FER: variants seen among roughly 807,000 people sequenced by gnomAD.
FER encodes tyrosine-protein kinase Fer.
Under a neutral mutation model 111.0 loss-of-function variants are expected in FER, and 63 were observed. The observed-to-expected ratio is 0.57, with a 90% confidence interval of 0.46 to 0.70. FER has a LOEUF of 0.70. Ranked by LOEUF, FER falls within the 30% of genes least tolerant of loss-of-function variation. FER has a pLI of 0.00. For missense variants in FER, 914 were observed against 954.0 expected, an observed-to-expected ratio of 0.96 and a Z score of 0.55; for synonymous variants, 327 against 313.9, an observed-to-expected ratio of 1.04 and a Z score of -0.44.
chr5:109,030,922 A>C lies in FER; in HGVS notation c.1657-6500A>C, dbSNP rs550780257. Among the ~76,000 whole-genome samples, 3 of 152,216 alleles carry C rather than the reference A, an allele frequency of 2.0e-5. No individual in the cohort carries two copies. In the South Asian group the frequency reaches 6.2e-4, roughly 32 times the overall value. On this transcript the variant is annotated intron_variant, in intron 13 of 19. Coordinates refer to ENST00000281092, the MANE Select transcript of FER (RefSeq NM_005246.4). The stretch of plus-strand genomic sequence containing the variant: ...TTTCTCAGTTGGGAAGTGAGATAAC[A>C]GGCCCACAGAAACAAAGAGGCCTCT...
intron 13 of FER, among the ~76,000 whole-genome samples, chr5:108,973,779 A>G (rs1698481179): frequency 1.3e-5 from 2 of 152,168 alleles, no homozygotes; most frequent in Non-Finnish European, 2.9e-5. Context: ...TATAAGAGGT[A>G]TGATTTTCTC....
chr5:109,061,298 G>A (rs575803485), intron 16 of FER, among the ~76,000 whole-genome samples: 1 of 151,966 alleles, frequency 6.6e-6, no homozygotes, highest in South Asian at 2.1e-4. Context: ...GACATAATAG[G>A]GAAATAACCA....
intron 16 of FER, among the ~76,000 whole-genome samples, chr5:109,075,820 T>C (rs554930736): frequency 1.3e-5 from 2 of 152,176 alleles, no homozygotes; most frequent in Non-Finnish European, 2.9e-5. Flanking sequence ...GCAATAAATA[T>C]ATTTTGTAAA....
At chr5:109,175,179 G>A (rs138581518) in intron 17 of FER, among the ~76,000 whole-genome samples, 226 of 152,224 alleles carry the variant, frequency 1.5e-3, no homozygotes, top group African/African-American at 1.8e-3. Context: ...CAGATTCCCC[G>A]ATGCATTGTT....
chr5:108,828,082 C>G (rs1405330028), intron 3 of FER, among the ~76,000 whole-genome samples: 2 of 151,944 alleles, frequency 1.3e-5, no homozygotes, highest in Non-Finnish European at 2.9e-5. Context: ...ATTGCCCAGG[C>G]TACTCTCGAG....
intron 10 of FER, among the ~76,000 whole-genome samples, chr5:108,922,362 G>T (rs1331379212): frequency 6.6e-6 from 1 of 152,166 alleles, no homozygotes; most frequent in Non-Finnish European, 1.5e-5. Flanking sequence ...TCCTAGTGAG[G>T]TATCTAGATG....
chr5:109,035,346 A>G (rs73213504), intron 13 of FER, among the ~76,000 whole-genome samples: 9,035 of 152,220 alleles, frequency 0.059, 640 homozygotes, highest in African/African-American at 0.17. Flanking sequence ...GATACCTAGC[A>G]TTATAGATTG....
At chr5:109,019,124 C>G (rs1000057249) in intron 13 of FER, among the ~76,000 whole-genome samples, 20 of 151,434 alleles carry the variant, frequency 1.3e-4, no homozygotes, top group African/African-American at 4.8e-4. Flanking sequence ...AAAAATGTCC[C>G]TTTATCCACA....
intron 13 of FER, among the ~76,000 whole-genome samples, chr5:109,021,244 C>T (rs1306836925): frequency 1.3e-5 from 2 of 151,968 alleles, no homozygotes; most frequent in South Asian, 4.1e-4. Context: ...AACGGTAGGT[C>T]TGTTAAGATT....
At chr5:108,806,872 A>G (rs1757264243) in intron 3 of FER, among the ~76,000 whole-genome samples, 1 of 152,118 alleles carries the variant, frequency 6.6e-6, no homozygotes, top group African/African-American at 2.4e-5. Flanking sequence ...CTTTTGAGTT[A>G]ATGCTGAAAT....
intron 9 of FER, among the ~76,000 whole-genome samples, chr5:108,886,185 A>G (rs1415381433): frequency 6.6e-6 from 1 of 151,612 alleles, no homozygotes; most frequent in East Asian, 1.9e-4. Flanking sequence ...AAGTTATGAG[A>G]TTATTTGAAT....
intron 19 of FER, 146 bp downstream of exon 19, chr5:109,186,468 T>TAACA (rs1446620447): frequency 1.7e-6 from 2 of 1,167,190 alleles, no homozygotes; most frequent in South Asian, 1.4e-5. Flanking sequence ...CAGATTTATC[T>TAACA]AACATCTCTG....
intron 1 of FER, among the ~76,000 whole-genome samples, chr5:108,759,039 A>G (rs559135585): frequency 1.2e-4 from 18 of 152,370 alleles, no homozygotes; most frequent in East Asian, 3.9e-4. Flanking sequence ...CTTTAAGACT[A>G]GGATCTCTGG....
intron 9 of FER, among the ~76,000 whole-genome samples, chr5:108,887,232 A>G (rs934258586): frequency 2.0e-5 from 3 of 151,700 alleles, no homozygotes; most frequent in Non-Finnish European, 4.4e-5. Context: ...ATGTTTACTT[A>G]ATAGAAATAA....
At chr5:109,146,448 GTAT>G (rs911656585) in intron 17 of FER, among the ~76,000 whole-genome samples, 1 of 150,602 alleles carries the variant, frequency 6.6e-6, no homozygotes, top group Admixed American at 6.6e-5. Context: ...ACTGACTCAA[GTAT>G]TATTATTAAC....
At chr5:109,038,775 A>G (rs1329435732) in intron 14 of FER, among the ~76,000 whole-genome samples, 1 of 152,014 alleles carries the variant, frequency 6.6e-6, no homozygotes, top group East Asian at 1.9e-4. Flanking sequence ...AAATTATAAA[A>G]CTAAAGCATT....
At chr5:109,129,733 G>A (rs72796586) in intron 17 of FER, among the ~76,000 whole-genome samples, 7 of 152,090 alleles carry the variant, frequency 4.6e-5, no homozygotes, top group African/African-American at 9.6e-5. Context: ...CAAGGTTTTC[G>A]TATAGGAATT....
intron 5 of FER, among the ~76,000 whole-genome samples, chr5:108,844,337 A>C (rs936217138): frequency 1.3e-5 from 2 of 152,194 alleles, no homozygotes; most frequent in Non-Finnish European, 1.5e-5. Context: ...AAAAAATTAA[A>C]TATATAATCT....
Position 108,835,695 on chromosome 5 carries a change from G to T in FER, c.382-13G>T. On this transcript the variant is annotated splice_polypyrimidine_tract_variant and intron_variant, in intron 4 of 19. Transcript: ENST00000281092. Reference sequence around the variant, plus strand: ...ACAATTTAATACATTTATGCATTTTGTTTCTTTGACAGGTTACCAAAACAG... The same window carrying T: ...ACAATTTAATACATTTATGCATTTTTTTTCTTTGACAGGTTACCAAAACAG... 1 of 1,501,810 alleles carries T rather than the reference G, an allele frequency of 6.7e-7. No homozygotes were observed. The highest frequency in any genetic ancestry group is 9.0e-7 in the Non-Finnish European group (1 of 1,109,104). 93.0% of individuals were successfully genotyped at this position (1,501,810 alleles called of 1,614,324 possible).
Sources: gnomAD v4.1 joint callset for allele counts (sites outside exome capture counted in the v4.1 genomes callset) on GRCh38, gnomAD v4.1.1 for gene constraint, MANE v1.5 for transcripts, NCBI Gene and HGNC (gene_info 2026-07-23, HGNC 2026-07-21) for gene names.